Variants in PIK3R1 observed in about 807,000 individuals in gnomAD.
PIK3R1 encodes phosphatidylinositol 3-kinase regulatory subunit alpha.
PIK3R1 carries 29 observed loss-of-function variants against 98.0 expected under a neutral mutation model. The ratio of observed to expected loss-of-function variants is 0.30; its 90% CI spans 0.22 to 0.40. The LOEUF (loss-of-function observed/expected upper bound fraction) is 0.40, where lower values mean the gene tolerates loss of function less well. Ranked by LOEUF, PIK3R1 falls within the 10% of genes least tolerant of loss-of-function variation. The pLI is 1.00. For missense variants in PIK3R1, 596 were observed against 872.7 expected (o/e 0.68, Z 3.99); for synonymous variants, 282 against 311.8 (o/e 0.90, Z 1.01).
rs532708914 is a variant in PIK3R1, at chr5:68,280,927, C to G, written c.837C>G (p.Ser279Arg). The G allele has an allele frequency of 6.4e-7, 1 of 1,570,966 alleles. No homozygotes were observed. The highest frequency in any genetic ancestry group is 8.7e-7 in the Non-Finnish European group (1 of 1,150,814). ...TTCTAATAAACTCTCTTTCTTACAG[C>G]TCTGATAATACTGAAAACCTCATAA... ...SPMLFRFSAA[S>R]SDNTENLIKV... Residue 279 changes from serine (S) to arginine (R), a missense_variant and splice_region_variant, in exon 7 of 16, where the codon AGC becomes AGG. Coordinates refer to ENST00000521381, the MANE Select transcript of PIK3R1 (RefSeq NM_181523.3).
intron 7 of PIK3R1, among the ~76,000 whole-genome samples, chr5:68,287,619 C>G (rs2112221082): frequency 2.0e-5 from 3 of 152,310 alleles, no homozygotes; most frequent in Admixed American, 2.0e-4. Flanking sequence ...AATCCCAAGT[C>G]TGGTCCATTG....
chr5:68,231,154 C>T (rs746356267), intron 2 of PIK3R1, among the ~76,000 whole-genome samples: 13 of 152,192 alleles, frequency 8.5e-5, no homozygotes, highest in Non-Finnish European at 1.8e-4. Context: ...TTTCTCAAGA[C>T]AGTGGTTTTA....
chr5:68,287,452 C>T (rs957054065), intron 7 of PIK3R1, among the ~76,000 whole-genome samples: 10 of 152,262 alleles, frequency 6.6e-5, no homozygotes, highest in East Asian at 1.9e-4. Flanking sequence ...GGTCAGATTT[C>T]GTTTTCCCCT....
chr5:68,290,393 A>G (rs527718547), intron 7 of PIK3R1, among the ~76,000 whole-genome samples: 14 of 152,366 alleles, frequency 9.2e-5, no homozygotes, highest in African/African-American at 3.1e-4. Context: ...AGAGCGTACC[A>G]TGCTGCAAGG....
chr5:68,226,741 T>C lies in PIK3R1; in HGVS notation c.66T>C (p.Ile22=). Residue 22 remains isoleucine, a synonymous_variant, in exon 2 of 16, where the codon ATT becomes ATC. Transcript: ENST00000521381. The stretch of plus-strand genomic sequence containing the variant: ...ATAAAAAGGAAAGAGAAGAAGATAT[T>C]GACTTGCACTTGGGTGACATATTGA... ...YDYKKEREED[I]DLHLGDILTV... 1 of 1,614,158 alleles carries C rather than the reference T, an allele frequency of 6.2e-7. No homozygotes were observed. Among genetic ancestry groups the C allele is most frequent in the Non-Finnish European group, 8.5e-7 (1 of 1,180,008 alleles).
In PIK3R1 at chr5:68,296,395, T is replaced by C. The variant is rs186469803; in HGVS notation, c.1985+54T>C. On this transcript the variant is annotated intron_variant, in intron 15 of 15. Coordinates refer to ENST00000521381, the MANE Select transcript of PIK3R1 (RefSeq NM_181523.3). ...CAACATCTCATGAAGAGATGTTTCA[T>C]TTATTCATTCATTGAGTTTTGGGGG... The C allele has an allele frequency of 2.3e-4, 348 of 1,490,930 alleles. 1 individual carries two copies. In the African/African-American group the frequency reaches 3.8e-3, roughly 16 times the overall value. The allele number at this position is 1,490,930 out of a possible 1,614,324, so 92.4% of individuals were successfully genotyped here. A position where few individuals can be genotyped will look rare whatever the true frequency, so the allele number is the denominator to read the frequency against.
intron 1 of PIK3R1, among the ~76,000 whole-genome samples, chr5:68,220,956 C>T (rs112426721): frequency 1.3e-5 from 2 of 152,186 alleles, no homozygotes; most frequent in African/African-American, 4.8e-5. Flanking sequence ...GAAATGTAAT[C>T]CCTAATGCAA....
intron 2 of PIK3R1, among the ~76,000 whole-genome samples, chr5:68,256,483 G>A (rs1426386679): frequency 1.3e-5 from 2 of 152,288 alleles, no homozygotes; most frequent in Non-Finnish European, 2.9e-5. Context: ...GCCCGCCTCG[G>A]CCTCCCAAAG....
rs776395044 is a variant in PIK3R1, at chr5:68,228,908, A to G, written c.334+1899A>G. Among the ~76,000 whole-genome samples, 91 of 152,194 alleles carry G rather than the reference A, an allele frequency of 6.0e-4. 1 individual carries two copies. Among genetic ancestry groups the G allele is most frequent in the Non-Finnish European group, 1.2e-3 (83 of 68,016 alleles). On this transcript the variant is annotated intron_variant, in intron 2 of 15. Transcript: ENST00000521381. ...ATAGGAAAAGTCATTTTCTCTTTTT[A>G]TATCCTAAACTATTTTATAATGCTT... is the stretch of plus-strand genomic sequence containing the variant.
Position 68,295,506 on chromosome 5 carries a change from A to T in PIK3R1, c.1814+18A>T. ...ACTGAAGAGTAAGTAGTTACTAAAG[A>T]TGGTGATAGCAGAAGATTTTTCTCA... is the stretch of plus-strand genomic sequence containing the variant. On this transcript the variant is annotated intron_variant, in intron 14 of 15. Transcript: ENST00000521381. 2 of 1,602,264 alleles carry T rather than the reference A, an allele frequency of 1.2e-6. No homozygotes were observed. The highest frequency in any genetic ancestry group is 1.7e-6 in the Non-Finnish European group (2 of 1,169,282).
Position 68,226,833 on chromosome 5 carries a change from T to C in PIK3R1, c.158T>C (p.Ile53Thr), listed in dbSNP as rs1561258129. The C allele has an allele frequency of 6.2e-7, 1 of 1,614,064 alleles. No homozygotes were observed. Residue 53 changes from isoleucine (I) to threonine (T), a missense_variant, in exon 2 of 16, where the codon ATT (isoleucine) becomes ACT (threonine). Ile to Thr is a moderately conservative substitution (Grantham distance 89). This residue lies in a region of PIK3R1 where 352 missense variants were observed against 393.3 expected (regional missense o/e 0.90). Transcript: ENST00000521381. ...SDGQEARPEE[I>T]GWLNGYNETT... ...GGACAGGAAGCCAGGCCTGAAGAAA[T>C]TGGCTGGTTAAATGGCTATAATGAA...
rs1320626849 is a variant in PIK3R1, at chr5:68,299,668, C to CTGTT, written c.*2069_*2072dup. ...ATTAGATTTACCCACAGCTATATTT[C>CTGTT]TGTTTAAGTACTAGGGTGAGGGTTT... is the stretch of plus-strand genomic sequence containing the variant. On this transcript the variant is annotated 3_prime_UTR_variant, in exon 16 of 16. Coordinates refer to ENST00000521381, the MANE Select transcript of PIK3R1 (RefSeq NM_181523.3). 1 of 233,072 alleles carries CTGTT rather than the reference C, an allele frequency of 4.3e-6. No individual in the cohort carries two copies. The highest frequency in any genetic ancestry group is 2.2e-5 in the African/African-American group (1 of 45,340). 14.4% of individuals were successfully genotyped at this position (233,072 alleles called of 1,614,324 possible).
intron 3 of PIK3R1, 94 bp downstream of exon 3, chr5:68,273,576 C>A: frequency 9.3e-7 from 1 of 1,072,486 alleles, no homozygotes; most frequent in Non-Finnish European, 1.4e-6. Context: ...AAGTAAATTT[C>A]CTACTACCAG....
Position 68,293,185 on chromosome 5 carries a change from T to C in PIK3R1, c.1104T>C (p.Tyr368=). 6.2e-7 allele frequency: 1 copy of C among 1,613,394 alleles called. No individual in the cohort carries two copies. The highest frequency in any genetic ancestry group is 8.5e-7 in the Non-Finnish European group (1 of 1,179,366). The change falls in exon 9 of 16, where the codon TAT becomes TAC. Residue 368 remains tyrosine, a synonymous_variant. Transcript: ENST00000521381. ...RDASTKMHGD[Y]TLTLRKGGNN... Reference sequence around the variant, plus strand: ...CGTCTACTAAAATGCATGGTGATTATACTCTTACACTAAGGTAAGCCAGGG... The same window carrying C: ...CGTCTACTAAAATGCATGGTGATTACACTCTTACACTAAGGTAAGCCAGGG...
intron 2 of PIK3R1, among the ~76,000 whole-genome samples, chr5:68,236,580 G>A (rs1242283303): frequency 6.6e-6 from 1 of 152,200 alleles, no homozygotes. Context: ...AAAAACTGAA[G>A]GTCATGTGAT....
intron 2 of PIK3R1, among the ~76,000 whole-genome samples, chr5:68,262,674 T>TACATGTATAC (rs1745847506): frequency 3.6e-5 from 1 of 27,838 alleles, no homozygotes; most frequent in South Asian, 1.3e-3. Context: ...CACATGTAGA[T>TACATGTATAC]ACATGTATCT....
At chr5:68,251,749 G>A (rs553429289) in intron 2 of PIK3R1, among the ~76,000 whole-genome samples, 1 of 152,228 alleles carries the variant, frequency 6.6e-6, no homozygotes, top group Admixed American at 6.5e-5. Context: ...GACTTTGCAA[G>A]TTTTTAAACA....
At chr5:68,223,257 A>G (rs1473669716) in intron 1 of PIK3R1, among the ~76,000 whole-genome samples, 1 of 152,090 alleles carries the variant, frequency 6.6e-6, no homozygotes, top group Admixed American at 6.5e-5. Context: ...AGTCAGGAGA[A>G]AGTGTACAAT....
chr5:68,270,656 G>A (rs896906675), intron 2 of PIK3R1, among the ~76,000 whole-genome samples: 1 of 152,144 alleles, frequency 6.6e-6, no homozygotes, highest in Admixed American at 6.5e-5. Flanking sequence ...GATTTGGGGT[G>A]TGCTAAGTCT....
Sources: allele counts gnomAD v4.1 joint callset (sites outside exome capture counted in the v4.1 genomes callset), GRCh38; gene constraint gnomAD v4.1.1; regional missense constraint gnomAD v4.1.1; transcripts MANE v1.5; gene names NCBI Gene and HGNC (gene_info 2026-07-23, HGNC 2026-07-21).